Variants in NRP2 observed in about 807,000 individuals in gnomAD.
NRP2 encodes neuropilin-2.
A neutral mutation model predicts 110.4 loss-of-function variants in NRP2; 52 were observed. The observed-to-expected ratio is 0.47, with a 90% CI of 0.38 to 0.59. The LOEUF is 0.59. Among genes scored for constraint, NRP2 ranks in the 20% least tolerant of loss-of-function variants. NRP2 has a pLI of 0.00. For synonymous variants in NRP2, 508 were observed against 468.9 expected, an observed-to-expected ratio of 1.08 and a Z score of -1.08; for missense variants, 1,049 against 1,203.0, an observed-to-expected ratio of 0.87 and a Z score of 1.89.
chr2:205,713,483 AGAG>A (rs1242636285), intron 2 of NRP2, among the ~76,000 whole-genome samples: 2 of 152,228 alleles, frequency 1.3e-5, no homozygotes, highest in African/African-American at 4.8e-5. Context: ...TTTACAAAGA[AGAG>A]AGAAAAAATT....
intron 3 of NRP2, among the ~76,000 whole-genome samples, chr2:205,717,820 T>C (rs574665537): frequency 6.6e-6 from 1 of 152,254 alleles, no homozygotes; most frequent in African/African-American, 2.4e-5. Context: ...GAGAAAGAAA[T>C]AAAAGGGGAT....
chr2:205,792,091 C>T (rs945134636), intron 15 of NRP2, 144 bp from the exon 16 acceptor site: 2 of 659,272 alleles, frequency 3.0e-6, no homozygotes, highest in Admixed American at 2.1e-5. Flanking sequence ...CCAGTAATGT[C>T]CATAATGAAT....
chr2:205,779,361 T>C (rs1391351474), intron 15 of NRP2: 1 of 152,242 alleles, frequency 6.6e-6, no homozygotes, highest in African/African-American at 2.4e-5. Context: ...CAAAACTGGA[T>C]GCTGAAGATA....
intron 12 of NRP2, chr2:205,756,804 T>C (rs1292537353): frequency 6.6e-6 from 1 of 152,192 alleles, no homozygotes; most frequent in Non-Finnish European, 1.5e-5. Flanking sequence ...GTGGCTGGTA[T>C]CTTTATAGCT....
At chr2:205,722,188 C>T (rs908107636) in intron 3 of NRP2, 13 of 461,746 alleles carry the variant, frequency 2.8e-5, no homozygotes, top group Admixed American at 1.3e-4. Flanking sequence ...CACACACACA[C>T]ACACACACAC....
Position 205,725,988 on chromosome 2 carries a change from A to G in NRP2, c.896A>G (p.Tyr299Cys). ...GAACAGATCAGTGCCTCATCTACCT[A>G]CTCTGATGGGAGGTGGACCCCTCAA... is the stretch of plus-strand genomic sequence containing the variant. Reference protein sequence around the residue: ...ANEQISASSTYSDGRWTPQQS... With the variant: ...ANEQISASSTCSDGRWTPQQS... The change falls in exon 6 of 17, where the codon TAC becomes TGC. Residue 299 changes from tyrosine to cysteine, a missense_variant. By Grantham distance (194) the Tyr-to-Cys change is radical. Coordinates refer to ENST00000357785, the MANE Select transcript of NRP2 (RefSeq NM_003872.3). The surrounding 1 kb of genome is among the most constrained non-coding windows in gnomAD (Gnocchi z 4.1). 1 of 1,613,986 alleles carries G rather than the reference A, an allele frequency of 6.2e-7. No individual in the cohort carries two copies. Among genetic ancestry groups the G allele is most frequent in the Non-Finnish European group, 8.5e-7 (1 of 1,179,930 alleles).
chr2:205,790,933 G>A (rs994138423), intron 15 of NRP2, among the ~76,000 whole-genome samples: 3 of 152,206 alleles, frequency 2.0e-5, no homozygotes, highest in Admixed American at 2.0e-4. Context: ...TTTAAGTGGG[G>A]TCTTGGCAAG....
chr2:205,736,902 T>C (rs767974866), intron 7 of NRP2, among the ~76,000 whole-genome samples: 1 of 152,112 alleles, frequency 6.6e-6, no homozygotes, highest in Admixed American at 6.5e-5. Context: ...CACAGAAGCA[T>C]TGAGAAAGTC....
intron 12 of NRP2, among the ~76,000 whole-genome samples, chr2:205,756,028 T>C (rs1461746762): frequency 6.6e-6 from 1 of 152,180 alleles, no homozygotes; most frequent in East Asian, 1.9e-4. Flanking sequence ...TTTCCTTTCC[T>C]TTTCCTTTTA....
At position 205,729,650 on chromosome 2, in the gene NRP2, C is replaced by A. The variant is rs1390983188; in HGVS notation, c.1146+1604C>A. On this transcript the variant is annotated intron_variant, in intron 7 of 16. Transcript: ENST00000357785. ...GCCCAGAGGGATACTGTAGCATAAG[C>A]TGTTTTAAAAGCATGCAGATGGACC... Among the ~76,000 whole-genome samples, 8 of 152,212 alleles carry A rather than the reference C, an allele frequency of 5.3e-5. No individual in the cohort carries two copies. The South Asian group carries it at 1.7e-3, about 31-fold the overall frequency.
At chr2:205,775,577 A>G (rs1366943531) in intron 15 of NRP2, among the ~76,000 whole-genome samples, 3 of 152,244 alleles carry the variant, frequency 2.0e-5, no homozygotes, top group African/African-American at 7.2e-5. Flanking sequence ...ATGAGGATGC[A>G]TTAGTCATGA....
chr2:205,729,650 C>T (rs1390983188), intron 7 of NRP2, among the ~76,000 whole-genome samples: 1 of 152,212 alleles, frequency 6.6e-6, no homozygotes, highest in East Asian at 1.9e-4. Flanking sequence ...GTAGCATAAG[C>T]TGTTTTAAAA....
At chr2:205,728,610 T>C (rs779827572) in intron 7 of NRP2, among the ~76,000 whole-genome samples, 1 of 152,250 alleles carries the variant, frequency 6.6e-6, no homozygotes. Flanking sequence ...GCCTCCCGCA[T>C]CTGCGGCTCC....
chr2:205,774,365 GGACAAA>G (rs991096686), intron 15 of NRP2, among the ~76,000 whole-genome samples: 2 of 152,150 alleles, frequency 1.3e-5, no homozygotes, highest in African/African-American at 4.8e-5. Context: ...ATTAGTTTGG[GGACAAA>G]GACAAAGAGG....
At chr2:205,767,318 C>A (rs2057941378) in intron 15 of NRP2, 3 of 464,112 alleles carry the variant, frequency 6.5e-6, no homozygotes, top group Admixed American at 2.3e-5. Context: ...AGTCACCATA[C>A]CTCAGTGAGG....
chr2:205,728,371 G>T (rs2057171236), intron 7 of NRP2, among the ~76,000 whole-genome samples: 1 of 152,124 alleles, frequency 6.6e-6, no homozygotes, highest in South Asian at 2.1e-4. Context: ...GAACATTTAT[G>T]GCCTGAGTCC....
chr2:205,767,126 G>C (rs890218588), intron 15 of NRP2: 2 of 422,608 alleles, frequency 4.7e-6, no homozygotes, highest in Non-Finnish European at 8.6e-6. Context: ...AGAAAGGAGA[G>C]ACTGTGGGAA....
intron 1 of NRP2, among the ~76,000 whole-genome samples, chr2:205,690,404 G>A (rs191115590): frequency 2.0e-3 from 298 of 152,066 alleles, no homozygotes; most frequent in African/African-American, 6.7e-3. Flanking sequence ...TGGAGTGAAG[G>A]GGACAAAACC....
At chr2:205,696,091 T>C (rs1250212450) in intron 1 of NRP2, among the ~76,000 whole-genome samples, 1 of 152,206 alleles carries the variant, frequency 6.6e-6, no homozygotes, top group Non-Finnish European at 1.5e-5. Flanking sequence ...CGGCACAGTT[T>C]GAGCTCGTGG....
Sources: allele counts gnomAD v4.1 joint callset (sites outside exome capture counted in the v4.1 genomes callset), GRCh38; gene constraint gnomAD v4.1.1; non-coding constraint Gnocchi (gnomAD v3.1); transcripts MANE v1.5; gene names NCBI Gene and HGNC (gene_info 2026-07-23, HGNC 2026-07-21).